The following LARS2 variants were observed in gnomAD, a reference collection of about 807,000 sequenced individuals.
The protein encoded by LARS2 is leucine--tRNA ligase, mitochondrial.
A neutral mutation model predicts 116.6 loss-of-function variants in LARS2; 81 were observed. That is an observed-to-expected ratio of 0.69 (90% confidence interval 0.58 to 0.84). The LOEUF (loss-of-function observed/expected upper bound fraction) is 0.84. Ranked by LOEUF, LARS2 falls within the 40% of genes least tolerant of loss-of-function variation. The pLI is 0.00. For missense variants in LARS2, 968 were observed against 1,114.5 expected, an observed-to-expected ratio of 0.87 and a Z score of 1.87; for synonymous variants, 396 against 407.2, an observed-to-expected ratio of 0.97 and a Z score of 0.33.
At chr3:45,534,741 C>G (rs1455732244) in intron 20 of LARS2, among the ~76,000 whole-genome samples, 1 of 152,140 alleles carries the variant, frequency 6.6e-6, no homozygotes, top group Non-Finnish European at 1.5e-5. Context: ...TTTAGAGACG[C>G]CGAAAGTACT....
chr3:45,399,173 T>A (rs1698100546), intron 3 of LARS2, among the ~76,000 whole-genome samples: 1 of 152,180 alleles, frequency 6.6e-6, no homozygotes, highest in Middle Eastern at 3.2e-3. Context: ...TTTAAAAGGA[T>A]CTTCTCATTA....
chr3:45,459,291 T>G (rs1699271820), intron 8 of LARS2, among the ~76,000 whole-genome samples: 1 of 152,206 alleles, frequency 6.6e-6, no homozygotes, highest in African/African-American at 2.4e-5. Context: ...CTCAGATAAG[T>G]AAATGGACTT....
chr3:45,516,249 G>A lies in LARS2; in HGVS notation c.2017G>A (p.Glu673Lys), dbSNP rs112423732. 6.2e-7 allele frequency: 1 copy of A among 1,613,866 alleles called. No homozygotes were observed. The highest frequency in any genetic ancestry group is 2.2e-5 in the East Asian group (1 of 44,884). Residue 673 changes from glutamate to lysine, a missense_variant, in exon 17 of 22, where the codon GAG becomes AAG. Physicochemically the swap from Glu to Lys is moderately conservative, Grantham distance 56. Coordinates refer to ENST00000645846, the MANE Select transcript of LARS2 (RefSeq NM_015340.4). ...CTACATCCTTTTTGCTGCCCCTCCT[G>A]AGAAGGATATCTTGTGGGATGTGAA... ...RLYILFAAPP[E>K]KDILWDVKTD...
At chr3:45,429,435 T>G (rs1698654400) in intron 6 of LARS2, among the ~76,000 whole-genome samples, 1 of 152,208 alleles carries the variant, frequency 6.6e-6, no homozygotes, top group Admixed American at 6.5e-5. Flanking sequence ...CTGCTTGCAT[T>G]TCTTCTCAAG....
intron 13 of LARS2, among the ~76,000 whole-genome samples, chr3:45,495,854 T>C (rs1700001906): frequency 6.6e-6 from 1 of 152,088 alleles, no homozygotes; most frequent in Non-Finnish European, 1.5e-5. Context: ...TCTTTTCATA[T>C]GTGGCTTTAT....
In LARS2 at chr3:45,470,151, A is replaced by G. The variant is rs139461872; in HGVS notation, c.751-4092A>G. On this transcript the variant is annotated intron_variant, in intron 8 of 21. Coordinates refer to ENST00000645846, the MANE Select transcript of LARS2 (RefSeq NM_015340.4). ...CTAAAACGTATCATGTTTTAAACCC[A>G]CTTTTTCTAGAATTCTCATTTGTGG... Among the ~76,000 whole-genome samples, 920 of 152,186 alleles carry G rather than the reference A, an allele frequency of 6.0e-3. 7 individuals are homozygous for G. The highest frequency in any genetic ancestry group is 0.021 in the African/African-American group (884 of 41,524).
chr3:45,486,636 G>A (rs190098497), intron 11 of LARS2, among the ~76,000 whole-genome samples: 247 of 152,250 alleles, frequency 1.6e-3, no homozygotes, highest in Admixed American at 3.3e-3. Context: ...TCAGATCAGT[G>A]TTTCATGAAG....
chr3:45,541,725 C>T lies in LARS2; in HGVS notation c.2405-104C>T, dbSNP rs1700798749. 6 of 1,461,932 alleles carry T rather than the reference C, an allele frequency of 4.1e-6. No individual in the cohort carries two copies. The Admixed American group carries it at 1.2e-4, about 30-fold the overall frequency. 90.6% of individuals were successfully genotyped at this position (1,461,932 alleles called of 1,614,324 possible). ...GGTCTGGCTTCCCACCGGCTCCTCA[C>T]ACAGCTCCAAGCCAGGCTGTGTTGG... On this transcript the variant is annotated intron_variant, in intron 20 of 21. Coordinates refer to ENST00000645846, the MANE Select transcript of LARS2 (RefSeq NM_015340.4).
intron 8 of LARS2, among the ~76,000 whole-genome samples, chr3:45,461,484 G>T (rs1699325170): frequency 6.6e-6 from 1 of 151,976 alleles, no homozygotes; most frequent in Admixed American, 6.6e-5. Flanking sequence ...AGATGTTTAG[G>T]GGCTAGATCA....
chr3:45,479,943 A>G (rs1699670899), intron 10 of LARS2, among the ~76,000 whole-genome samples: 1 of 152,134 alleles, frequency 6.6e-6, no homozygotes, highest in South Asian at 2.1e-4. Flanking sequence ...ACAACTTGGA[A>G]CTCTGTTGTT....
At chr3:45,498,893 A>G (rs1233368537) in intron 14 of LARS2, among the ~76,000 whole-genome samples, 1 of 152,252 alleles carries the variant, frequency 6.6e-6, no homozygotes, top group Non-Finnish European at 1.5e-5. Context: ...ATTATATGAC[A>G]AGTCACCTTA....
chr3:45,432,783 G>T (rs1008920391), intron 6 of LARS2, among the ~76,000 whole-genome samples: 12 of 152,078 alleles, frequency 7.9e-5, no homozygotes, highest in African/African-American at 2.6e-4. Context: ...TTAGAGTAAA[G>T]ATAAGCAAAA....
At chr3:45,518,419 C>G (rs531923116) in intron 18 of LARS2, among the ~76,000 whole-genome samples, 36 of 152,270 alleles carry the variant, frequency 2.4e-4, no homozygotes, top group Non-Finnish European at 3.8e-4. Context: ...ACCCTGTCAT[C>G]CAGGATGACA....
At chr3:45,507,884 C>A (rs1187922527) in intron 15 of LARS2, among the ~76,000 whole-genome samples, 1 of 151,786 alleles carries the variant, frequency 6.6e-6, no homozygotes, top group East Asian at 1.9e-4. Context: ...GTATATATTC[C>A]AAAGAAGGAA....
intron 20 of LARS2, among the ~76,000 whole-genome samples, chr3:45,540,864 C>T (rs1700784616): frequency 6.6e-6 from 1 of 152,120 alleles, no homozygotes; most frequent in Non-Finnish European, 1.5e-5. Context: ...TAGCTCACTA[C>T]AGCCTCAAAC....
At chr3:45,459,149 G>T (rs1427969297) in intron 8 of LARS2, among the ~76,000 whole-genome samples, 1 of 152,074 alleles carries the variant, frequency 6.6e-6, no homozygotes, top group Non-Finnish European at 1.5e-5. Flanking sequence ...TGCCACAGAG[G>T]TCAAAAATCA....
At chr3:45,507,424 G>A (rs1200960324) in intron 15 of LARS2, among the ~76,000 whole-genome samples, 1 of 151,976 alleles carries the variant, frequency 6.6e-6, no homozygotes, top group Admixed American at 6.6e-5. Context: ...ATTTTTGGGT[G>A]CACTAATTGC....
chr3:45,514,673 G>T (rs201194188), intron 16 of LARS2, among the ~76,000 whole-genome samples: 3 of 152,194 alleles, frequency 2.0e-5, no homozygotes, highest in Non-Finnish European at 4.4e-5. Context: ...AAATGCAGCC[G>T]TTTCTCAAGC....
At chr3:45,473,827 T>G (rs956959056) in intron 8 of LARS2, among the ~76,000 whole-genome samples, 18 of 152,160 alleles carry the variant, frequency 1.2e-4, no homozygotes, top group African/African-American at 4.3e-4. Context: ...AAATTTATAA[T>G]GTCCTATGTA....
Sources: allele counts gnomAD v4.1 joint callset (sites outside exome capture counted in the v4.1 genomes callset), GRCh38; gene constraint gnomAD v4.1.1; transcripts MANE v1.5; gene names NCBI Gene and HGNC (gene_info 2026-07-23, HGNC 2026-07-21).